Variants in STK32B observed in about 807,000 individuals in gnomAD.
STK32B encodes serine/threonine kinase 32B, also known as serine/threonine-protein kinase 32B.
STK32B carries 43 observed loss-of-function variants against 52.6 expected under a neutral mutation model. The observed-to-expected ratio is 0.82, with a 90% CI of 0.64 to 1.05. The LOEUF is 1.05. Ranked by LOEUF, STK32B falls within the 50% of genes least tolerant of loss-of-function variation. The pLI is 0.00. For missense variants in STK32B, 621 were observed against 534.6 expected (o/e 1.16, Z -1.59); for synonymous variants, 238 against 204.3 (o/e 1.17, Z -1.41).
upstream of STK32B, among the ~76,000 whole-genome samples, chr4:5,050,606 G>C (rs1741728202): frequency 1.3e-5 from 2 of 152,122 alleles, no homozygotes; most frequent in African/African-American, 2.4e-5. Context: ...AGTGGTTCCA[G>C]GCGCCCAGCA....
intron 4 of STK32B, among the ~76,000 whole-genome samples, chr4:5,370,994 G>GTGTGTGTGTA (rs1735190453): frequency 7.2e-6 from 1 of 138,468 alleles, no homozygotes; most frequent in African/African-American, 2.8e-5. Context: ...ATGTGTGTGT[G>GTGTGTGTGTA]TGTATATATA....
chr4:5,057,010 T>A (rs966101553), intron 1 of STK32B, among the ~76,000 whole-genome samples: 3 of 152,214 alleles, frequency 2.0e-5, no homozygotes, highest in African/African-American at 4.8e-5. Context: ...TGATTCCACA[T>A]CCACCTTTTG....
intron 1 of STK32B, among the ~76,000 whole-genome samples, chr4:5,133,967 G>A (rs949962640): frequency 6.6e-6 from 1 of 152,184 alleles, no homozygotes; most frequent in African/African-American, 2.4e-5. Flanking sequence ...TTAAAACTTT[G>A]TTTAAACCTT....
At chr4:5,071,864 A>G (rs1222275274) in intron 1 of STK32B, among the ~76,000 whole-genome samples, 2 of 152,210 alleles carry the variant, frequency 1.3e-5, no homozygotes, top group African/African-American at 4.8e-5. Flanking sequence ...AATTTCTGTG[A>G]TATGATGGGT....
chr4:5,120,568 CAA>C lies in STK32B; in HGVS notation c.53-19335_53-19334del, dbSNP rs149506341. On this transcript the variant is annotated intron_variant, in intron 1 of 11. Coordinates refer to ENST00000282908, the MANE Select transcript of STK32B (RefSeq NM_018401.3). The stretch of plus-strand genomic sequence containing the variant: ...AGTATATATAGGATTCAGTAGTATC[CAA>C]AGTTTCAGGCATCCAGTGGGAATCT... Among the ~76,000 whole-genome samples, 507 of 152,070 alleles carry C rather than the reference CAA, an allele frequency of 3.3e-3. 5 individuals are homozygous for C. The highest frequency in any genetic ancestry group is 0.011 in the African/African-American group (469 of 41,480).
intron 11 of STK32B, among the ~76,000 whole-genome samples, chr4:5,475,181 G>C (rs1404301171): frequency 6.6e-6 from 1 of 152,100 alleles, no homozygotes; most frequent in African/African-American, 2.4e-5. Flanking sequence ...TAGCACTTTG[G>C]GAGGCTGAGG....
chr4:5,465,967 A>AT (rs1455249654), intron 9 of STK32B, among the ~76,000 whole-genome samples: 97 of 152,356 alleles, frequency 6.4e-4, no homozygotes, highest in African/African-American at 2.3e-3. Context: ...CTGAGTCCCA[A>AT]GGAAGTCATG....
At chr4:5,135,722 A>G (rs967721346) in intron 1 of STK32B, among the ~76,000 whole-genome samples, 7 of 152,192 alleles carry the variant, frequency 4.6e-5, no homozygotes, top group African/African-American at 1.7e-4. Context: ...GCAGCTCCAG[A>G]TATCACGTCC....
intron 3 of STK32B, among the ~76,000 whole-genome samples, chr4:5,274,311 A>T (rs1173846706): frequency 2.6e-5 from 4 of 152,196 alleles, no homozygotes; most frequent in Non-Finnish European, 5.9e-5. Context: ...CAGAATTTTA[A>T]AATAGAACCA....
intron 3 of STK32B, among the ~76,000 whole-genome samples, chr4:5,237,394 A>G (rs1234943932): frequency 1.3e-5 from 2 of 152,306 alleles, no homozygotes; most frequent in South Asian, 2.1e-4. Flanking sequence ...ACAGATGTTC[A>G]TTATTACTGT....
rs375554837 is a variant in STK32B, at chr4:5,196,867, G to A, written c.260+28417G>A. ...GATCTAGGTGAGCACAGCACTCCAC[G>A]GCCCTAGACAGCTGCAGCATTGCTG... is the stretch of plus-strand genomic sequence containing the variant. On this transcript the variant is annotated intron_variant, in intron 3 of 11. Coordinates refer to ENST00000282908, the MANE Select transcript of STK32B (RefSeq NM_018401.3). Among the ~76,000 whole-genome samples the A allele has an allele frequency of 2.4e-4, 37 of 152,258 alleles. No homozygotes were observed. In the South Asian group the frequency reaches 7.0e-3, roughly 29 times the overall value.
At chr4:5,437,002 G>A (rs546848836) in intron 6 of STK32B, among the ~76,000 whole-genome samples, 11 of 152,214 alleles carry the variant, frequency 7.2e-5, no homozygotes, top group Non-Finnish European at 1.3e-4. Flanking sequence ...CATTTATTAA[G>A]TGCCTTCTGT....
intron 1 of STK32B, among the ~76,000 whole-genome samples, chr4:5,109,127 A>G (rs1472136213): frequency 1.3e-5 from 2 of 152,208 alleles, no homozygotes; most frequent in Non-Finnish European, 2.9e-5. Flanking sequence ...GTCCAGCAAC[A>G]AAACTATGTG....
intron 3 of STK32B, among the ~76,000 whole-genome samples, chr4:5,173,481 C>T (rs1479705418): frequency 6.6e-6 from 1 of 152,014 alleles, no homozygotes; most frequent in Non-Finnish European, 1.5e-5. Flanking sequence ...TTGAATGTGT[C>T]CCAGAGATTC....
chr4:5,163,335 T>C (rs2108728748), intron 2 of STK32B, among the ~76,000 whole-genome samples: 1 of 152,172 alleles, frequency 6.6e-6, no homozygotes, highest in Non-Finnish European at 1.5e-5. Flanking sequence ...TATAATACAG[T>C]GTGTCAAGCC....
chr4:5,382,602 G>A (rs1245154430), intron 4 of STK32B, among the ~76,000 whole-genome samples: 1 of 152,082 alleles, frequency 6.6e-6, no homozygotes, highest in African/African-American at 2.4e-5. Flanking sequence ...ATTCCCAAGA[G>A]TTCTCAGTAA....
At chr4:5,347,522 T>A (rs1733546517) in intron 4 of STK32B, among the ~76,000 whole-genome samples, 1 of 152,166 alleles carries the variant, frequency 6.6e-6, no homozygotes, top group Non-Finnish European at 1.5e-5. Flanking sequence ...GCTTATGTAC[T>A]CAAAGAGCCT....
At chr4:5,294,199 T>G (rs1480530477) in intron 3 of STK32B, among the ~76,000 whole-genome samples, 1 of 152,214 alleles carries the variant, frequency 6.6e-6, no homozygotes, top group Non-Finnish European at 1.5e-5. Context: ...AGCCTTGTAG[T>G]ATAGTTTGAA....
chr4:5,329,676 C>T (rs183066377), intron 3 of STK32B, among the ~76,000 whole-genome samples: 8 of 152,318 alleles, frequency 5.3e-5, no homozygotes, highest in East Asian at 1.9e-4. Context: ...GTCCCCAGCA[C>T]GTAGCCCAAT....
Sources: gnomAD v4.1 joint callset for allele counts (sites outside exome capture counted in the v4.1 genomes callset) on GRCh38, gnomAD v4.1.1 for gene constraint, MANE v1.5 for transcripts, NCBI Gene and HGNC (gene_info 2026-07-23, HGNC 2026-07-21) for gene names.